The following SLIT3 variants were observed in gnomAD, a reference collection of about 807,000 sequenced individuals.
The protein encoded by SLIT3 is slit homolog 3 protein.
Under a neutral mutation model 184.0 loss-of-function variants are expected in SLIT3, and 68 were observed. The observed-to-expected ratio is 0.37, with a 90% CI of 0.30 to 0.45. SLIT3 has a LOEUF of 0.45. Ranked by LOEUF, SLIT3 falls within the 20% of genes least tolerant of loss-of-function variation. The pLI, the probability that SLIT3 is intolerant of heterozygous loss-of-function variation, is 1.00. For synonymous variants in SLIT3, 831 were observed against 828.6 expected (o/e 1.00, Z -0.05); for missense variants, 1,707 against 2,026.0 (o/e 0.84, Z 3.02).
chr5:168,705,937 A>C (rs1453308778), intron 26 of SLIT3, among the ~76,000 whole-genome samples: 1 of 152,256 alleles, frequency 6.6e-6, no homozygotes, highest in Non-Finnish European at 1.5e-5. Context: ...AAATCAGAGA[A>C]GAAAATAAAT....
At chr5:169,124,372 T>C (rs565028764) in intron 4 of SLIT3, among the ~76,000 whole-genome samples, 3 of 152,304 alleles carry the variant, frequency 2.0e-5, no homozygotes, top group Admixed American at 2.0e-4. Flanking sequence ...TGTGAGCAAA[T>C]CCAGTATCAC....
At chr5:168,811,402 CAT>C (rs1427104539) in intron 8 of SLIT3, among the ~76,000 whole-genome samples, 1 of 152,178 alleles carries the variant, frequency 6.6e-6, no homozygotes, top group African/African-American at 2.4e-5. Context: ...TGTCCAAGAT[CAT>C]AAAGCTAGTG....
Position 169,110,477 on chromosome 5 carries a change from T to C in SLIT3, c.413+83002A>G, listed in dbSNP as rs560120146. 3.3e-5 allele frequency among the ~76,000 whole-genome samples: 5 copies of C among 152,242 alleles called. No individual in the cohort carries two copies. The South Asian group carries it at 8.3e-4, about 25-fold the overall frequency. ...GCCTCTCTCCTAGCGCTGGTAACTT[T>C]AGGTGTTCGTTGTCTTGTAGAAGGC... is the stretch of plus-strand genomic sequence containing the variant. On this transcript the variant is annotated intron_variant, in intron 4 of 35. Transcript: ENST00000519560.
chr5:168,884,549 G>GATAGAT (rs1554153412), intron 4 of SLIT3, among the ~76,000 whole-genome samples: 1 of 41,138 alleles, frequency 2.4e-5, no homozygotes, highest in African/African-American at 1.1e-4. Flanking sequence ...CCAATTACGA[G>GATAGAT]ATATATATAT....
chr5:169,122,229 C>T lies in SLIT3; in HGVS notation c.413+71250G>A, dbSNP rs112044159. ...TCATGGGAAACACACTCAGTTATTA[C>T]ATACTTAGACTATACAAGCCAAGGT... is the stretch of plus-strand genomic sequence containing the variant. On this transcript the variant is annotated intron_variant, in intron 4 of 35. Coordinates refer to ENST00000519560, the MANE Select transcript of SLIT3 (RefSeq NM_003062.4). 2.1e-3 allele frequency among the ~76,000 whole-genome samples: 317 copies of T among 152,316 alleles called. 3 individuals are homozygous for T. The highest frequency in any genetic ancestry group is 7.2e-3 in the African/African-American group (298 of 41,580).
At chr5:168,716,526 G>A (rs1762739326) in intron 23 of SLIT3, among the ~76,000 whole-genome samples, 1 of 152,264 alleles carries the variant, frequency 6.6e-6, no homozygotes, top group Admixed American at 6.5e-5. Flanking sequence ...CTATGTTTTT[G>A]AGTGGATTTT....
rs527740490 is a variant in SLIT3, at chr5:169,244,745, C to T, written c.301G>A (p.Glu101Lys). Reference protein sequence around the residue: ...HLEDNQVSVIERGAFQDLKQL... With the variant: ...HLEDNQVSVIKRGAFQDLKQL... ...TTCAGGTCCTGGAAGGCGCCTCTCTCGATGACGCTGACCTGGTTGTCTTCC... is the reference window on the plus strand; with the variant it reads ...TTCAGGTCCTGGAAGGCGCCTCTCTTGATGACGCTGACCTGGTTGTCTTCC... Residue 101 changes from glutamate (E) to lysine (K), a missense_variant, in exon 3 of 36, where the codon GAG (glutamate) becomes AAG (lysine). By Grantham distance (56) the Glu-to-Lys change is moderately conservative. Coordinates refer to ENST00000519560, the MANE Select transcript of SLIT3 (RefSeq NM_003062.4). The T allele has an allele frequency of 4.3e-6, 7 of 1,614,050 alleles. No homozygotes were observed. The highest frequency in any genetic ancestry group is 1.7e-5 in the Admixed American group (1 of 60,014).
intron 4 of SLIT3, among the ~76,000 whole-genome samples, chr5:168,946,602 C>T (rs1309413253): frequency 6.6e-6 from 1 of 152,218 alleles, no homozygotes; most frequent in Non-Finnish European, 1.5e-5. Context: ...GCTCCAGCAT[C>T]TTCTGCAGGT....
chr5:168,969,352 A>T (rs1445597232), intron 4 of SLIT3, among the ~76,000 whole-genome samples: 1 of 152,194 alleles, frequency 6.6e-6, no homozygotes, highest in East Asian at 1.9e-4. Flanking sequence ...TTTTCTCCTC[A>T]GTTGACATGT....
At chr5:168,958,501 G>T (rs1581245696) in intron 4 of SLIT3, among the ~76,000 whole-genome samples, 1 of 152,246 alleles carries the variant, frequency 6.6e-6, no homozygotes, top group African/African-American at 2.4e-5. Flanking sequence ...CAGATAGAAA[G>T]CTGAGCCCCA....
intron 4 of SLIT3, among the ~76,000 whole-genome samples, chr5:169,157,908 T>C (rs562154195): frequency 5.9e-4 from 89 of 150,938 alleles, no homozygotes; most frequent in Non-Finnish European, 1.0e-3. Flanking sequence ...ACCGTAAAAT[T>C]GAGTGTAGAA....
At chr5:168,727,619 A>T (rs534049158) in intron 20 of SLIT3, among the ~76,000 whole-genome samples, 2 of 152,358 alleles carry the variant, frequency 1.3e-5, no homozygotes, top group South Asian at 2.1e-4. Context: ...ACAAGGGCAG[A>T]GGCTGGTGTT....
intron 4 of SLIT3, among the ~76,000 whole-genome samples, chr5:169,055,236 C>T (rs767677780): frequency 1.3e-5 from 2 of 152,102 alleles, no homozygotes; most frequent in Non-Finnish European, 2.9e-5. Context: ...GTGAATAAGA[C>T]CAAGTCCCTG....
intron 5 of SLIT3, among the ~76,000 whole-genome samples, chr5:168,857,388 G>GTTTTA (rs1554149576): frequency 6.6e-6 from 1 of 151,906 alleles, no homozygotes. Context: ...GTTTTGTTTT[G>GTTTTA]TTTTGTTTTG....
At chr5:168,722,191 C>T in intron 23 of SLIT3, 65 bp downstream of exon 23, 1 of 1,439,786 alleles carries the variant, frequency 6.9e-7, no homozygotes, top group Non-Finnish European at 9.8e-7. Context: ...AAGGGGAGTG[C>T]TTAGTCTGCT....
At position 168,707,991 on chromosome 5, in the gene SLIT3, G is replaced by A. The variant is rs1762428080; in HGVS notation, c.2829C>T (p.Cys943=). Residue 943 remains cysteine (C), a synonymous_variant, in exon 26 of 36, where the codon TGC becomes TGT. Coordinates refer to ENST00000519560, the MANE Select transcript of SLIT3 (RefSeq NM_003062.4). ...TCCAGCATACCTTGTAGCTGTAGGG[G>A]CAGGCACAGCGGTACAGCTCCACAG... ...QDPVELYRCA[C]PYSYKGKDCT... The A allele has an allele frequency of 6.2e-7, 1 of 1,614,070 alleles. No homozygotes were observed. The highest frequency in any genetic ancestry group is 1.3e-5 in the African/African-American group (1 of 74,928).
At chr5:168,713,181 C>T (rs372723766) in intron 23 of SLIT3, among the ~76,000 whole-genome samples, 17 of 152,202 alleles carry the variant, frequency 1.1e-4, no homozygotes, top group African/African-American at 3.1e-4. Context: ...CACACATACA[C>T]GAGTCTGGCA....
intron 32 of SLIT3, among the ~76,000 whole-genome samples, chr5:168,676,407 A>G (rs1278769269): frequency 3.9e-5 from 6 of 152,342 alleles, no homozygotes; most frequent in African/African-American, 1.4e-4. Flanking sequence ...AGTGGTGGGT[A>G]AAAGAGTCCA....
At chr5:169,130,797 A>T (rs537750074) in intron 4 of SLIT3, among the ~76,000 whole-genome samples, 1 of 152,378 alleles carries the variant, frequency 6.6e-6, no homozygotes, top group Non-Finnish European at 1.5e-5. Flanking sequence ...GGAATACTAC[A>T]AAGCAGTTAG....
Sources: gnomAD v4.1 joint callset for allele counts (sites outside exome capture counted in the v4.1 genomes callset) on GRCh38, gnomAD v4.1.1 for gene constraint, MANE v1.5 for transcripts, NCBI Gene and HGNC (gene_info 2026-07-23, HGNC 2026-07-21) for gene names.